ROBO2: variants seen among roughly 807,000 people sequenced by gnomAD.
The protein encoded by ROBO2 is roundabout homolog 2.
A neutral mutation model predicts 160.8 loss-of-function variants in ROBO2; 53 were observed. The observed-to-expected ratio is 0.33, with a 90% confidence interval of 0.26 to 0.41. The LOEUF (loss-of-function observed/expected upper bound fraction) is 0.41, where lower values mean the gene tolerates loss of function less well. Among genes scored for constraint, ROBO2 ranks in the 10% least tolerant of loss-of-function variants. The pLI is 1.00. For missense variants in ROBO2, 1,577 were observed against 1,722.4 expected (o/e 0.92, Z 1.49); for synonymous variants, 664 against 611.7 (o/e 1.09, Z -1.26).
chr3:76,878,921 T>G (rs2073056142), intron 2 of ROBO2, among the ~76,000 whole-genome samples: 1 of 152,072 alleles, frequency 6.6e-6, no homozygotes, highest in Non-Finnish European at 1.5e-5. Flanking sequence ...CTCAGGTATT[T>G]ACAGAGAGAA....
intron 13 of ROBO2, among the ~76,000 whole-genome samples, chr3:77,574,127 G>A (rs970363042): frequency 2.0e-5 from 3 of 152,146 alleles, no homozygotes; most frequent in Middle Eastern, 3.4e-3. Context: ...ACATAAAAGG[G>A]AATTGTTGGA....
intron 2 of ROBO2, among the ~76,000 whole-genome samples, chr3:76,384,028 C>T (rs997177760): frequency 1.3e-5 from 2 of 152,096 alleles, no homozygotes; most frequent in African/African-American, 2.4e-5. Context: ...AAGAGCGTCC[C>T]TGATAAGGCA....
chr3:77,435,719 A>G (rs1232452415), intron 2 of ROBO2, among the ~76,000 whole-genome samples: 2 of 151,834 alleles, frequency 1.3e-5, no homozygotes, highest in Non-Finnish European at 2.9e-5. Context: ...TCTACAGATC[A>G]ATGTGTATGT....
intron 2 of ROBO2, among the ~76,000 whole-genome samples, chr3:76,750,587 A>G: frequency 6.6e-6 from 1 of 152,172 alleles, no homozygotes. Context: ...CTGATAAGCA[A>G]CTTCAGCAAA....
At chr3:77,320,799 AT>A (rs1176036092) in intron 2 of ROBO2, among the ~76,000 whole-genome samples, 4 of 152,134 alleles carry the variant, frequency 2.6e-5, no homozygotes, top group Non-Finnish European at 2.9e-5. Context: ...AAAAAAATAT[AT>A]TTTTTGTTAT....
intron 2 of ROBO2, among the ~76,000 whole-genome samples, chr3:77,385,800 T>G (rs1314660017): frequency 2.6e-5 from 4 of 152,160 alleles, no homozygotes; most frequent in Non-Finnish European, 4.4e-5. Flanking sequence ...AAAGACACTT[T>G]GTTGCAGAAT....
chr3:76,712,207 C>T (rs1213336032), intron 2 of ROBO2, among the ~76,000 whole-genome samples: 3 of 152,128 alleles, frequency 2.0e-5, no homozygotes, highest in Non-Finnish European at 4.4e-5. Context: ...TGCACCCTTG[C>T]AGAAAGCAAA....
intron 2 of ROBO2, among the ~76,000 whole-genome samples, chr3:76,074,220 T>G (rs544785053): frequency 6.6e-6 from 1 of 152,304 alleles, no homozygotes; most frequent in African/African-American, 2.4e-5. Context: ...AATGTGAAGC[T>G]GAGGCTCAGA....
At chr3:76,489,296 G>A (rs1196026638) in intron 2 of ROBO2, among the ~76,000 whole-genome samples, 3 of 151,750 alleles carry the variant, frequency 2.0e-5, no homozygotes, top group Admixed American at 6.6e-5. Context: ...GAAATTACCT[G>A]CTCTTACCTT....
chr3:77,126,430 A>G (rs2075317527), intron 2 of ROBO2, among the ~76,000 whole-genome samples: 1 of 152,232 alleles, frequency 6.6e-6, no homozygotes, highest in Admixed American at 6.5e-5. Context: ...AGAGAAAAAC[A>G]GTGCCAAATA....
At chr3:76,140,803 G>A (rs929793254) in intron 2 of ROBO2, among the ~76,000 whole-genome samples, 1 of 150,802 alleles carries the variant, frequency 6.6e-6, no homozygotes, top group Non-Finnish European at 1.5e-5. Flanking sequence ...CCTTTGAGGG[G>A]TGGGAGAGGA....
intron 2 of ROBO2, among the ~76,000 whole-genome samples, chr3:77,407,282 T>C (rs2076332481): frequency 6.6e-6 from 1 of 152,148 alleles, no homozygotes; most frequent in Admixed American, 6.5e-5. Context: ...GTTGGCCAAA[T>C]GATTTCTAAA....
At chr3:77,178,396 A>G (rs1468744611) in intron 2 of ROBO2, among the ~76,000 whole-genome samples, 4 of 152,064 alleles carry the variant, frequency 2.6e-5, no homozygotes, top group African/African-American at 9.7e-5. Flanking sequence ...TTTGTTTCTT[A>G]AAGGGAAAAA....
chr3:77,594,606 C>A (rs552459775), intron 17 of ROBO2, among the ~76,000 whole-genome samples: 52 of 152,150 alleles, frequency 3.4e-4, no homozygotes, highest in African/African-American at 1.2e-3. Context: ...ATAGTTCACA[C>A]CTGTTGTAAT....
intron 2 of ROBO2, among the ~76,000 whole-genome samples, chr3:76,040,624 T>C (rs1271803755): frequency 6.6e-6 from 1 of 152,088 alleles, no homozygotes; most frequent in African/African-American, 2.4e-5. Flanking sequence ...ATACTGTTTA[T>C]ATTAGTAAGA....
chr3:76,191,912 C>T (rs750393899), intron 2 of ROBO2, among the ~76,000 whole-genome samples: 4 of 152,054 alleles, frequency 2.6e-5, no homozygotes, highest in Admixed American at 6.6e-5. Flanking sequence ...AACCTCAACT[C>T]TTTCCCTATT....
chr3:76,608,940 G>A (rs946749679), intron 2 of ROBO2, among the ~76,000 whole-genome samples: 4 of 151,992 alleles, frequency 2.6e-5, no homozygotes, highest in Admixed American at 6.6e-5. Context: ...CTTTCCCCGA[G>A]CCTCCAAGTC....
chr3:77,168,097 G>A (rs923890315), intron 2 of ROBO2, among the ~76,000 whole-genome samples: 3 of 152,190 alleles, frequency 2.0e-5, no homozygotes, highest in Admixed American at 2.0e-4. Context: ...TCCCTATGAA[G>A]GTATTGATTG....
intron 2 of ROBO2, among the ~76,000 whole-genome samples, chr3:76,543,213 T>C (rs1290150927): frequency 1.3e-5 from 2 of 152,226 alleles, no homozygotes; most frequent in African/African-American, 4.8e-5. Context: ...ATGACTGTTA[T>C]GGACTGAATT....
Sources: gnomAD v4.1 joint callset for allele counts (sites outside exome capture counted in the v4.1 genomes callset) on GRCh38, gnomAD v4.1.1 for gene constraint, MANE v1.5 for transcripts, NCBI Gene and HGNC (gene_info 2026-07-23, HGNC 2026-07-21) for gene names.